Variants in PTPRD observed in about 807,000 individuals in gnomAD.
The protein encoded by PTPRD is protein tyrosine phosphatase receptor type D.
In PTPRD, 34 loss-of-function variants were observed where a neutral mutation model predicts 214.5. The ratio of observed to expected loss-of-function variants is 0.16; its 90% CI spans 0.12 to 0.21. The LOEUF (loss-of-function observed/expected upper bound fraction) is 0.21, where lower values mean the gene tolerates loss of function less well. Ranked by LOEUF, PTPRD falls within the 10% of genes least tolerant of loss-of-function variation. The probability of loss-of-function intolerance (pLI) is 1.00; values close to 1 mark genes in which losing one functional copy is unlikely to be tolerated. For synonymous variants in PTPRD, 1,128 were observed against 845.7 expected (o/e 1.33, Z -5.79); for missense variants, 2,545 against 2,398.7 (o/e 1.06, Z -1.27).
In PTPRD at chr9:8,404,717, T is replaced by C. The variant is rs111812423; in HGVS notation, c.4087-57A>G. ...ATCAATACTGAAAACCACCAGATTA[T>C]AGGCATTTATCACATGTAATAAACA... On this transcript the variant is annotated intron_variant, in intron 35 of 45. Transcript: ENST00000381196. 2.5e-4 allele frequency: 392 copies of C among 1,548,738 alleles called. 2 individuals are homozygous for C. The African/African-American group carries it at 4.5e-3, about 18-fold the overall frequency.
At chr9:8,456,917 G>A (rs945844694) in intron 33 of PTPRD, among the ~76,000 whole-genome samples, 1 of 152,118 alleles carries the variant, frequency 6.6e-6, no homozygotes, top group African/African-American at 2.4e-5. Context: ...TTCCATAGAG[G>A]TAAGGTTAAC....
Position 9,334,826 on chromosome 9 carries a change from C to T in PTPRD, c.-203+62623G>A, listed in dbSNP as rs1329005848. 3.3e-5 allele frequency among the ~76,000 whole-genome samples: 5 copies of T among 151,680 alleles called. No individual in the cohort carries two copies. The Admixed American group carries it at 3.3e-4, about 10-fold the overall frequency. The stretch of plus-strand genomic sequence containing the variant: ...AAGTGCAGAGAAAATAAAGATCTTC[C>T]AAGGTACCATTAAGACAAGTAAATA... On this transcript the variant is annotated intron_variant, in intron 9 of 45. Coordinates refer to ENST00000381196, the MANE Select transcript of PTPRD (RefSeq NM_002839.4).
At chr9:10,252,276 C>T (rs960717959) in intron 3 of PTPRD, among the ~76,000 whole-genome samples, 1 of 152,114 alleles carries the variant, frequency 6.6e-6, no homozygotes, top group Non-Finnish European at 1.5e-5. Flanking sequence ...TCACAAAATG[C>T]AATAGTGTCT....
Position 8,345,064 on chromosome 9 carries a change from T to C in PTPRD, c.4662-3086A>G, listed in dbSNP as rs539786827. ...CATTTGAGATTTGGCTTTTAAAATC[T>C]TGCTTTCGTCTACTCTCTCAAGCTG... On this transcript the variant is annotated intron_variant, in intron 39 of 45. Coordinates refer to ENST00000381196, the MANE Select transcript of PTPRD (RefSeq NM_002839.4). 6.2e-4 allele frequency among the ~76,000 whole-genome samples: 89 copies of C among 143,716 alleles called. 1 individual carries two copies. Among genetic ancestry groups the C allele is most frequent in the Middle Eastern group, 3.8e-3 (1 of 264 alleles). 94.3% of individuals were successfully genotyped at this position (143,716 alleles called of 152,430 possible).
At chr9:8,415,297 T>C (rs948445202) in intron 35 of PTPRD, among the ~76,000 whole-genome samples, 8 of 152,182 alleles carry the variant, frequency 5.3e-5, no homozygotes, top group African/African-American at 1.9e-4. Context: ...TAATTGCTTT[T>C]TCCTCCTTCT....
chr9:9,971,419 T>A (rs2095094659), intron 4 of PTPRD, among the ~76,000 whole-genome samples: 1 of 152,172 alleles, frequency 6.6e-6, no homozygotes, highest in Non-Finnish European at 1.5e-5. Context: ...GGTAGAAGAT[T>A]ATTTTAATTT....
chr9:9,613,215 T>A (rs1177012860), intron 7 of PTPRD, among the ~76,000 whole-genome samples: 1 of 142,848 alleles, frequency 7.0e-6, no homozygotes, highest in Non-Finnish European at 1.5e-5. Flanking sequence ...TTGAAAACTG[T>A]GAAATCATTT....
chr9:10,089,661 A>G (rs2098405606), intron 3 of PTPRD, among the ~76,000 whole-genome samples: 1 of 151,674 alleles, frequency 6.6e-6, no homozygotes, highest in South Asian at 2.1e-4. Context: ...ATAAGGTATA[A>G]CTTCCAAGCC....
intron 8 of PTPRD, among the ~76,000 whole-genome samples, chr9:9,551,928 T>C (rs1168694085): frequency 6.6e-6 from 1 of 151,356 alleles, no homozygotes; most frequent in Non-Finnish European, 1.5e-5. Context: ...GAAATCAGAG[T>C]TGGCTGACAT....
intron 2 of PTPRD, among the ~76,000 whole-genome samples, chr9:10,583,851 C>A (rs575823464): frequency 6.6e-6 from 1 of 152,212 alleles, no homozygotes; most frequent in African/African-American, 2.4e-5. Flanking sequence ...TTTCGAAGGG[C>A]AGCTGTCAGA....
intron 11 of PTPRD, among the ~76,000 whole-genome samples, chr9:8,914,002 G>C (rs886371555): frequency 2.0e-5 from 3 of 152,092 alleles, no homozygotes; most frequent in Non-Finnish European, 2.9e-5. Context: ...GTTATTCTCA[G>C]AGAACGGTCA....
chr9:10,231,369 T>A (rs968617366), intron 3 of PTPRD, among the ~76,000 whole-genome samples: 6 of 151,774 alleles, frequency 4.0e-5, no homozygotes, highest in Non-Finnish European at 5.9e-5. Context: ...CAGGAAGGGA[T>A]AATATAGGTC....
intron 5 of PTPRD, among the ~76,000 whole-genome samples, chr9:9,774,476 G>A (rs1485411078): frequency 1.3e-5 from 2 of 152,128 alleles, no homozygotes; most frequent in African/African-American, 4.8e-5. Flanking sequence ...ATTAACCTAT[G>A]TTCTTTAAGA....
chr9:10,500,492 C>A lies in PTPRD; in HGVS notation c.-600+111906G>T, dbSNP rs566438270. Among the ~76,000 whole-genome samples the A allele has an allele frequency of 3.3e-5, 5 of 151,810 alleles. No homozygotes were observed. In the East Asian group the frequency reaches 7.7e-4, roughly 23 times the overall value. ...ATACTGGCATGTAATGGATAATAAT[C>A]CCTTCAGGGTATGTAGAGCACCCAT... On this transcript the variant is annotated intron_variant, in intron 2 of 45. Coordinates refer to ENST00000381196, the MANE Select transcript of PTPRD (RefSeq NM_002839.4).
intron 8 of PTPRD, among the ~76,000 whole-genome samples, chr9:9,420,266 T>G (rs1486281437): frequency 6.6e-6 from 1 of 151,856 alleles, no homozygotes; most frequent in Non-Finnish European, 1.5e-5. Context: ...GTAAACTATT[T>G]TAGTTTTCAC....
chr9:8,400,321 C>T (rs1221818849), intron 36 of PTPRD, among the ~76,000 whole-genome samples: 1 of 152,098 alleles, frequency 6.6e-6, no homozygotes, highest in East Asian at 1.9e-4. Context: ...ATACATACAA[C>T]AATATTTAAG....
At chr9:8,369,451 C>T (rs1238314234) in intron 39 of PTPRD, among the ~76,000 whole-genome samples, 1 of 151,532 alleles carries the variant, frequency 6.6e-6, no homozygotes, top group Non-Finnish European at 1.5e-5. Context: ...CAACCCCAAA[C>T]TGGCATCTGA....
chr9:8,628,140 G>A (rs569336579), intron 14 of PTPRD, among the ~76,000 whole-genome samples: 12 of 151,862 alleles, frequency 7.9e-5, no homozygotes, highest in African/African-American at 2.4e-4. Context: ...TTCCTAGCCT[G>A]GATCTCCAGC....
intron 2 of PTPRD, among the ~76,000 whole-genome samples, chr9:10,342,993 T>A (rs549595767): frequency 1.2e-3 from 189 of 152,340 alleles, no homozygotes; most frequent in African/African-American, 4.4e-3. Flanking sequence ...TTTTATTTTT[T>A]ATACTTTAAG....
Sources: gnomAD v4.1 joint callset for allele counts (sites outside exome capture counted in the v4.1 genomes callset) on GRCh38, gnomAD v4.1.1 for gene constraint, MANE v1.5 for transcripts, NCBI Gene and HGNC (gene_info 2026-07-23, HGNC 2026-07-21) for gene names.